Variants in UHRF2 observed in about 807,000 individuals in gnomAD.
UHRF2 encodes ubiquitin like with PHD and ring finger domains 2.
Under a neutral mutation model 96.8 loss-of-function variants are expected in UHRF2, and 23 were observed. The observed-to-expected ratio is 0.24, with a 90% CI of 0.17 to 0.34. The LOEUF is 0.34. Ranked by LOEUF, UHRF2 falls within the 10% of genes least tolerant of loss-of-function variation. UHRF2 has a pLI of 1.00. For missense variants in UHRF2, 685 were observed against 981.5 expected (o/e 0.70, Z 4.04); for synonymous variants, 385 against 332.6 (o/e 1.16, Z -1.72).
At chr9:6,462,762 C>G (rs1458898978) in intron 4 of UHRF2, among the ~76,000 whole-genome samples, 1 of 151,816 alleles carries the variant, frequency 6.6e-6, no homozygotes, top group Non-Finnish European at 1.5e-5. Flanking sequence ...ACTAAAAATA[C>G]AAAAATTAGC....
intron 2 of UHRF2, among the ~76,000 whole-genome samples, chr9:6,431,545 C>T (rs1019132165): frequency 6.6e-6 from 1 of 151,884 alleles, no homozygotes; most frequent in Admixed American, 6.6e-5. Context: ...GTGATCACAC[C>T]ACTGCATCCA....
At chr9:6,425,206 C>T (rs1013231488) in intron 2 of UHRF2, among the ~76,000 whole-genome samples, 20 of 152,320 alleles carry the variant, frequency 1.3e-4, no homozygotes, top group African/African-American at 4.8e-4. Context: ...AATTACTCAA[C>T]ATGGGAGGTG....
intron 1 of UHRF2, among the ~76,000 whole-genome samples, chr9:6,419,021 T>G (rs903118955): frequency 7.2e-5 from 11 of 152,170 alleles, no homozygotes; most frequent in Admixed American, 2.0e-4. Context: ...GCTGCATCTT[T>G]CCAAATGTCC....
At chr9:6,492,171 A>G (rs1824703729) in intron 9 of UHRF2, 8 of 239,490 alleles carry the variant, frequency 3.3e-5, no homozygotes, top group South Asian at 2.8e-4. Flanking sequence ...AATTTTAGCC[A>G]TGTTTCCTTG....
intron 2 of UHRF2, among the ~76,000 whole-genome samples, chr9:6,426,132 C>T (rs1445585727): frequency 6.6e-6 from 1 of 152,228 alleles, no homozygotes; most frequent in Non-Finnish European, 1.5e-5. Flanking sequence ...TCCACTATTC[C>T]TTCCTCTTCC....
intron 2 of UHRF2, 94 bp from the exon 3 acceptor site, chr9:6,433,820 A>T: frequency 7.6e-7 from 1 of 1,312,808 alleles, no homozygotes; most frequent in Non-Finnish European, 1.0e-6. Context: ...AATATTGTTT[A>T]CCATGATAAC....
chr9:6,488,208 A>G (rs1241836581), intron 9 of UHRF2, among the ~76,000 whole-genome samples: 2 of 131,666 alleles, frequency 1.5e-5, no homozygotes, highest in African/African-American at 5.7e-5. Flanking sequence ...ATGCCAGCGC[A>G]GCACTCCAGC....
At chr9:6,475,663 A>C (rs931375259) in intron 5 of UHRF2, among the ~76,000 whole-genome samples, 163 bp downstream of exon 5, 17 of 152,176 alleles carry the variant, frequency 1.1e-4, no homozygotes, top group African/African-American at 4.1e-4. Context: ...GTTTTAATGA[A>C]TTTTTCCTAA....
chr9:6,457,507 C>G (rs1032674928), intron 3 of UHRF2, among the ~76,000 whole-genome samples: 1 of 152,136 alleles, frequency 6.6e-6, no homozygotes, highest in African/African-American at 2.4e-5. Context: ...TTTCTTTCTC[C>G]TGCCTGATTG....
chr9:6,460,853 G>A (rs1822496207), intron 4 of UHRF2, 62 bp downstream of exon 4: 1 of 1,418,886 alleles, frequency 7.0e-7, no homozygotes, highest in South Asian at 1.3e-5. Context: ...GTATTTTTAG[G>A]TATTAAGCAC....
At chr9:6,476,954 A>G (rs1473885067) in intron 5 of UHRF2, among the ~76,000 whole-genome samples, 1 of 152,122 alleles carries the variant, frequency 6.6e-6, no homozygotes, top group Non-Finnish European at 1.5e-5. Flanking sequence ...TCTTTTCATT[A>G]GAAAAGCTGT....
chr9:6,483,568 C>T (rs1402399354), intron 8 of UHRF2, among the ~76,000 whole-genome samples: 3 of 152,260 alleles, frequency 2.0e-5, no homozygotes, highest in Middle Eastern at 3.4e-3. Flanking sequence ...TTTACTCTCT[C>T]GACTTGGCAG....
At chr9:6,427,859 A>G (rs1007615722) in intron 2 of UHRF2, among the ~76,000 whole-genome samples, 7 of 152,228 alleles carry the variant, frequency 4.6e-5, no homozygotes, top group Admixed American at 2.6e-4. Flanking sequence ...GGCTGGGTCC[A>G]TCCATTCACA....
intron 4 of UHRF2, among the ~76,000 whole-genome samples, chr9:6,473,621 CTGAT>C (rs1228744651): frequency 6.6e-6 from 1 of 152,110 alleles, no homozygotes; most frequent in Non-Finnish European, 1.5e-5. Flanking sequence ...GAACCTAAAT[CTGAT>C]TGAGACTGAG....
intron 15 of UHRF2, 123 bp from the exon 16 acceptor site, chr9:6,505,910 T>C: frequency 2.0e-6 from 2 of 1,005,718 alleles, no homozygotes; most frequent in East Asian, 4.9e-5. Context: ...CAAGCCTTTA[T>C]GTTTGTTCAT....
rs753669590 is a variant in UHRF2 at position 6,482,069 on chromosome 9, T to G, written c.1362T>G (p.Pro454=). ...SNHYGPIPGI[P]VGSTWRFRVQ... ...ATTATGGACCCATTCCTGGTATTCC[T>G]GTTGGATCAACTTGGAGATTTAGAG... The change falls in exon 8 of 16, where the codon CCT becomes CCG. Residue 454 remains proline (P), a synonymous_variant. Coordinates refer to ENST00000276893, the MANE Select transcript of UHRF2 (RefSeq NM_152896.3). 6.2e-6 allele frequency: 10 copies of G among 1,614,140 alleles called. No individual in the cohort carries two copies. The South Asian group carries it at 1.1e-4, about 18-fold the overall frequency.
At chr9:6,457,649 T>A (rs1465971630) in intron 3 of UHRF2, among the ~76,000 whole-genome samples, 1 of 152,238 alleles carries the variant, frequency 6.6e-6, no homozygotes, top group Non-Finnish European at 1.5e-5. Flanking sequence ...GGGTTTGTCA[T>A]AAATAGCTCT....
chr9:6,504,185 C>G (rs1816460113), intron 14 of UHRF2, among the ~76,000 whole-genome samples: 1 of 151,956 alleles, frequency 6.6e-6, no homozygotes, highest in East Asian at 1.9e-4. Flanking sequence ...GCCGCCACGC[C>G]CAGATAATTT....
chr9:6,417,022 C>A (rs1471013373), intron 1 of UHRF2, among the ~76,000 whole-genome samples: 1 of 151,990 alleles, frequency 6.6e-6, no homozygotes, highest in Non-Finnish European at 1.5e-5. Context: ...AAAGGAATAT[C>A]TATGTATATA....
Sources: gnomAD v4.1 joint callset for allele counts (sites outside exome capture counted in the v4.1 genomes callset) on GRCh38, gnomAD v4.1.1 for gene constraint, MANE v1.5 for transcripts, NCBI Gene and HGNC (gene_info 2026-07-23, HGNC 2026-07-21) for gene names.